Variants in NIBAN1 observed in about 807,000 individuals in gnomAD.
The protein encoded by NIBAN1 is protein Niban 1.
In NIBAN1, 81 loss-of-function variants were observed where a neutral mutation model predicts 75.1. The observed-to-expected ratio is 1.08, with a 90% CI of 0.90 to 1.30. The LOEUF (loss-of-function observed/expected upper bound fraction) is 1.30. Among genes scored for constraint, NIBAN1 ranks in the 50% most tolerant of loss-of-function variants. NIBAN1 has a pLI of 0.00. For synonymous variants in NIBAN1, 436 were observed against 424.8 expected (o/e 1.03, Z -0.32); for missense variants, 1,133 against 1,128.1 (o/e 1.00, Z -0.06).
chr1:184,836,326 T>C (rs1655141762), intron 5 of NIBAN1, among the ~76,000 whole-genome samples: 1 of 152,202 alleles, frequency 6.6e-6, no homozygotes, highest in African/African-American at 2.4e-5. Context: ...GAAAATATGG[T>C]ACTGTGTCTG....
In NIBAN1 at chr1:184,917,229, A is replaced by G. The variant is rs544710568; in HGVS notation, c.56-17920T>C. On this transcript the variant is annotated intron_variant, in intron 1 of 13. Coordinates refer to ENST00000367511, the MANE Select transcript of NIBAN1 (RefSeq NM_052966.4). ...TTTTTTTTTTTTTTTCTTTGAGATG[A>G]AGTCTCACTCTGTCGCCCAGGCTGG... is the stretch of plus-strand genomic sequence containing the variant. 4.0e-5 allele frequency among the ~76,000 whole-genome samples: 6 copies of G among 148,974 alleles called. No homozygotes were observed. In the East Asian group the frequency reaches 7.9e-4, roughly 20 times the overall value.
intron 1 of NIBAN1, among the ~76,000 whole-genome samples, chr1:184,970,633 A>G (rs1507056): frequency 0.023 from 3,558 of 152,288 alleles, 124 homozygotes; most frequent in African/African-American, 0.081. Context: ...GGAGGAAGCC[A>G]CTGGGCCCTT....
intron 11 of NIBAN1, among the ~76,000 whole-genome samples, chr1:184,804,981 G>A (rs1400356610): frequency 6.6e-6 from 1 of 151,962 alleles, no homozygotes; most frequent in African/African-American, 2.4e-5. Context: ...GTAGAGACGG[G>A]GTTTCACCGT....
intron 1 of NIBAN1, among the ~76,000 whole-genome samples, chr1:184,952,217 T>C (rs1658374741): frequency 6.6e-6 from 1 of 152,062 alleles, no homozygotes; most frequent in African/African-American, 2.4e-5. Flanking sequence ...CTGGGCAACA[T>C]AGCAAGACCT....
chr1:184,833,393 G>A (rs994743943), intron 5 of NIBAN1, among the ~76,000 whole-genome samples: 1 of 151,660 alleles, frequency 6.6e-6, no homozygotes, highest in African/African-American at 2.4e-5. Flanking sequence ...AAGTCCATTC[G>A]AAGCTGCATT....
At chr1:184,873,692 T>C (rs567859792) in intron 5 of NIBAN1, among the ~76,000 whole-genome samples, 1 of 152,330 alleles carries the variant, frequency 6.6e-6, no homozygotes, top group South Asian at 2.1e-4. Context: ...TTACTTTTGT[T>C]AAATTGGTAT....
chr1:184,882,735 G>C lies in NIBAN1; in HGVS notation c.601+1898C>G, dbSNP rs566202287. Among the ~76,000 whole-genome samples the C allele has an allele frequency of 5.3e-5, 8 of 152,224 alleles. 1 individual carries two copies. Among genetic ancestry groups the C allele is most frequent in the Admixed American group, 4.6e-4 (7 of 15,294 alleles). On this transcript the variant is annotated intron_variant, in intron 5 of 13. Coordinates refer to ENST00000367511, the MANE Select transcript of NIBAN1 (RefSeq NM_052966.4). ...GAATGCAGTAAGTCCCATTTGGCTG[G>C]GCAGGGAGCATTCTGCACTCAGTGA...
chr1:184,933,233 C>T (rs1275910674), intron 1 of NIBAN1, among the ~76,000 whole-genome samples: 2 of 152,224 alleles, frequency 1.3e-5, no homozygotes, highest in Non-Finnish European at 2.9e-5. Context: ...AAGTCCAGTT[C>T]AACCTTTCAG....
intron 1 of NIBAN1, among the ~76,000 whole-genome samples, chr1:184,948,522 A>G (rs1658284639): frequency 6.6e-6 from 1 of 152,222 alleles, no homozygotes; most frequent in African/African-American, 2.4e-5. Context: ...CACCTAAGAA[A>G]TAATTCTAAG....
intron 9 of NIBAN1, among the ~76,000 whole-genome samples, chr1:184,809,671 G>A (rs1367380711): frequency 7.6e-6 from 1 of 131,058 alleles, no homozygotes; most frequent in South Asian, 2.3e-4. Context: ...ATATGTGTGT[G>A]TGTATATATA....
At chr1:184,966,076 G>A (rs905415606) in intron 1 of NIBAN1, among the ~76,000 whole-genome samples, 2 of 152,220 alleles carry the variant, frequency 1.3e-5, no homozygotes, top group African/African-American at 4.8e-5. Context: ...GAAACCATAA[G>A]GAAATAGAGG....
At chr1:184,906,975 C>T (rs1657122635) in intron 1 of NIBAN1, among the ~76,000 whole-genome samples, 1 of 152,140 alleles carries the variant, frequency 6.6e-6, no homozygotes, top group Non-Finnish European at 1.5e-5. Flanking sequence ...ATGCCTCGTT[C>T]CCCCAACATT....
chr1:184,803,420 G>A (rs973202141), intron 12 of NIBAN1, among the ~76,000 whole-genome samples, 165 bp downstream of exon 12: 1 of 152,246 alleles, frequency 6.6e-6, no homozygotes, highest in African/African-American at 2.4e-5. Context: ...AACAGAAATA[G>A]TGCAGTCCAT....
intron 1 of NIBAN1, among the ~76,000 whole-genome samples, chr1:184,921,435 GAAGA>G (rs765574576): frequency 6.6e-6 from 1 of 152,184 alleles, no homozygotes; most frequent in African/African-American, 2.4e-5. Context: ...GCTGAGCAGA[GAAGA>G]AAGACTGGAA....
intron 1 of NIBAN1, among the ~76,000 whole-genome samples, chr1:184,904,954 A>G (rs977684268): frequency 2.0e-5 from 3 of 152,184 alleles, no homozygotes; most frequent in African/African-American, 7.2e-5. Context: ...CAAAAAAAAA[A>G]AATTCTCTGT....
rs557310865 is a variant in NIBAN1, at chr1:184,796,060, T to C, written c.1704A>G (p.Leu568=). Residue 568 remains leucine (L), a synonymous_variant, in exon 14 of 14, where the codon TTA becomes TTG. Transcript: ENST00000367511. ...KEAAILKKHN[L]FEDNMALPSE... is the part of the protein sequence containing the mutation. Reference sequence around the variant, plus strand: ...TGGGCAAGGCCATGTTATCTTCAAATAAGTTGTGTTTCTTCAAGATAGCAG... The same window carrying C: ...TGGGCAAGGCCATGTTATCTTCAAACAAGTTGTGTTTCTTCAAGATAGCAG... The C allele has an allele frequency of 6.4e-7, 1 of 1,572,570 alleles. No homozygotes were observed. The highest frequency in any genetic ancestry group is 8.6e-7 in the Non-Finnish European group (1 of 1,162,718).
intron 5 of NIBAN1, among the ~76,000 whole-genome samples, chr1:184,842,251 T>C (rs1655306901): frequency 1.3e-5 from 2 of 152,244 alleles, no homozygotes; most frequent in Admixed American, 1.3e-4. Flanking sequence ...TCTCAGATTT[T>C]GGTGAGCATC....
intron 1 of NIBAN1, 42 bp from the exon 2 acceptor site, chr1:184,899,351 A>C: frequency 6.2e-7 from 1 of 1,602,114 alleles, no homozygotes; most frequent in Non-Finnish European, 8.5e-7. Context: ...TATAGCACAG[A>C]ATATACACCT....
At chr1:184,813,795 C>G (rs1332937981) in intron 9 of NIBAN1, among the ~76,000 whole-genome samples, 1 of 152,186 alleles carries the variant, frequency 6.6e-6, no homozygotes, top group African/African-American at 2.4e-5. Flanking sequence ...GCTGGCTTTA[C>G]AGCTAGCTAA....
Sources: gnomAD v4.1 joint callset for allele counts (sites outside exome capture counted in the v4.1 genomes callset) on GRCh38, gnomAD v4.1.1 for gene constraint, MANE v1.5 for transcripts, NCBI Gene and HGNC (gene_info 2026-07-23, HGNC 2026-07-21) for gene names.